EFCAB6: variants seen among roughly 807,000 people sequenced by gnomAD.
The protein encoded by EFCAB6 is EF-hand calcium-binding domain-containing protein 6.
EFCAB6 carries 156 observed loss-of-function variants against 169.8 expected under a neutral mutation model. The observed-to-expected ratio is 0.92, with a 90% CI of 0.81 to 1.05. The LOEUF (loss-of-function observed/expected upper bound fraction) is 1.05, where lower values mean the gene tolerates loss of function less well. Ranked by LOEUF, EFCAB6 falls within the 50% of genes least tolerant of loss-of-function variation. The pLI is 0.00. For missense variants in EFCAB6, 1,800 were observed against 1,829.1 expected (o/e 0.98, Z 0.29); for synonymous variants, 698 against 676.4 (o/e 1.03, Z -0.50).
At chr22:43,529,027 A>T in intron 31 of EFCAB6, 52 bp from the exon 32 acceptor site, 1 of 1,515,800 alleles carries the variant, frequency 6.6e-7, no homozygotes, top group African/African-American at 1.4e-5. Flanking sequence ...CCCTAGGTTA[A>T]GGAGGCAGGC....
intron 26 of EFCAB6, among the ~76,000 whole-genome samples, chr22:43,563,433 C>A (rs1319659919): frequency 1.3e-5 from 2 of 152,156 alleles, no homozygotes; most frequent in African/African-American, 2.4e-5. Flanking sequence ...CTGGGCAAGG[C>A]ATGCACCTGT....
rs1254333446 is a variant in EFCAB6, at chr22:43,765,411, G to A, written c.352-18C>T. On this transcript the variant is annotated intron_variant, in intron 4 of 31. Transcript: ENST00000262726. Reference sequence around the variant, plus strand: ...AGGGGGATCTACAGTCAAGGGAGAAGAATGACAACATGTTAGAGAATTAAG... The same window carrying A: ...AGGGGGATCTACAGTCAAGGGAGAAAAATGACAACATGTTAGAGAATTAAG... The A allele has an allele frequency of 6.3e-7, 1 of 1,584,812 alleles. No individual in the cohort carries two copies. Among genetic ancestry groups the A allele is most frequent in the Admixed American group, 1.7e-5 (1 of 59,692 alleles).
chr22:43,566,417 G>C (rs1168501776), intron 26 of EFCAB6, among the ~76,000 whole-genome samples: 3 of 152,212 alleles, frequency 2.0e-5, no homozygotes, highest in East Asian at 1.9e-4. Flanking sequence ...AATTCAACCA[G>C]TGCTTACTGA....
rs755287749 is a variant in EFCAB6 at position 43,809,123 on chromosome 22, C to T, written c.-136G>A. On this transcript the variant is annotated 5_prime_UTR_variant, in exon 2 of 32. Transcript: ENST00000262726. Reference sequence around the variant, plus strand: ...TAATCTAGGCCCTTCCAATCCTCTGCGATGAGCCCTGTGAGAAATTTATTT... The same window carrying T: ...TAATCTAGGCCCTTCCAATCCTCTGTGATGAGCCCTGTGAGAAATTTATTT... 5.9e-5 allele frequency: 9 copies of T among 152,178 alleles called. No individual in the cohort carries two copies. The highest frequency in any genetic ancestry group is 1.0e-4 in the Non-Finnish European group (7 of 68,044). The allele number at this position is 152,178 out of a possible 1,614,324, so 9.4% of individuals were successfully genotyped here.
At chr22:43,542,845 T>C (rs780099918) in intron 27 of EFCAB6, among the ~76,000 whole-genome samples, 2 of 152,080 alleles carry the variant, frequency 1.3e-5, no homozygotes. Context: ...TGCCAGCCAG[T>C]GAGCTTGACA....
intron 10 of EFCAB6, among the ~76,000 whole-genome samples, chr22:43,697,479 C>G (rs1230108067): frequency 6.6e-6 from 1 of 152,176 alleles, no homozygotes; most frequent in African/African-American, 2.4e-5. Flanking sequence ...GTAGCTATCT[C>G]TGGCTATTAC....
At chr22:43,741,358 G>A (rs1443519394) in intron 6 of EFCAB6, among the ~76,000 whole-genome samples, 1 of 152,090 alleles carries the variant, frequency 6.6e-6, no homozygotes, top group African/African-American at 2.4e-5. Flanking sequence ...CCTCAGTTAT[G>A]GGGCCTCTTC....
At chr22:43,797,519 C>T (rs1251038494) in intron 2 of EFCAB6, among the ~76,000 whole-genome samples, 2 of 152,198 alleles carry the variant, frequency 1.3e-5, no homozygotes, top group African/African-American at 2.4e-5. Context: ...GTGAATTTCA[C>T]ACTAAATTGT....
intron 8 of EFCAB6, among the ~76,000 whole-genome samples, chr22:43,725,082 A>G (rs568339791): frequency 2.0e-5 from 3 of 151,316 alleles, no homozygotes; most frequent in East Asian, 1.9e-4. Flanking sequence ...CTGTTGTAAC[A>G]TGGAAGAAAG....
At chr22:43,575,174 T>G (rs1251453597) in intron 26 of EFCAB6, among the ~76,000 whole-genome samples, 1 of 150,882 alleles carries the variant, frequency 6.6e-6, no homozygotes, top group African/African-American at 2.4e-5. Context: ...ATAGACTGTT[T>G]TTGTTGTTGT....
At chr22:43,805,127 G>A (rs1204186181) in intron 2 of EFCAB6, among the ~76,000 whole-genome samples, 1 of 152,170 alleles carries the variant, frequency 6.6e-6, no homozygotes, top group East Asian at 1.9e-4. Flanking sequence ...AATAGCTATA[G>A]AGAATATAAA....
At chr22:43,652,391 G>A (rs2056516450) in intron 17 of EFCAB6, among the ~76,000 whole-genome samples, 1 of 152,072 alleles carries the variant, frequency 6.6e-6, no homozygotes. Flanking sequence ...CCAGCCATGT[G>A]GAACTGTAAG....
rs1449339293 is a variant in EFCAB6, at chr22:43,572,656, G to A, written c.3420+3641C>T. On this transcript the variant is annotated intron_variant, in intron 26 of 31. Coordinates refer to ENST00000262726, the MANE Select transcript of EFCAB6 (RefSeq NM_022785.4). The surrounding 1 kb of genome is among the most constrained non-coding windows in gnomAD (Gnocchi z 4.0). Reference sequence around the variant, plus strand: ...GGCCAGTCCCTTGCCCGATGTCACTGCTCACTCCCTCCCCTCCTCGTCGCT... The same window carrying A: ...GGCCAGTCCCTTGCCCGATGTCACTACTCACTCCCTCCCCTCCTCGTCGCT... Among the ~76,000 whole-genome samples the A allele has an allele frequency of 6.6e-6, 1 of 152,116 alleles. No homozygotes were observed.
intron 26 of EFCAB6, among the ~76,000 whole-genome samples, chr22:43,571,670 T>G (rs1431197582): frequency 6.6e-6 from 1 of 152,158 alleles, no homozygotes; most frequent in Non-Finnish European, 1.5e-5. Context: ...CAAAGGGACC[T>G]AAACTCTGCA....
intron 6 of EFCAB6, among the ~76,000 whole-genome samples, chr22:43,746,937 C>T (rs1178463191): frequency 2.6e-5 from 4 of 152,204 alleles, no homozygotes; most frequent in African/African-American, 9.6e-5. Flanking sequence ...TGCACACCAG[C>T]AGGGGCAAGC....
At chr22:43,592,589 A>G (rs751577351) in intron 23 of EFCAB6, among the ~76,000 whole-genome samples, 4 of 152,208 alleles carry the variant, frequency 2.6e-5, no homozygotes, top group Non-Finnish European at 5.9e-5. Context: ...CACAGATCAC[A>G]GCAGAGTGCC....
chr22:43,733,298 C>A (rs1016787861), intron 7 of EFCAB6, among the ~76,000 whole-genome samples: 9 of 152,222 alleles, frequency 5.9e-5, no homozygotes, highest in Non-Finnish European at 1.3e-4. Flanking sequence ...CCACCTGGAA[C>A]TGGGTTTCAT....
chr22:43,600,629 C>T (rs2052432526), intron 22 of EFCAB6, among the ~76,000 whole-genome samples: 1 of 150,862 alleles, frequency 6.6e-6, no homozygotes, highest in Admixed American at 6.6e-5. Context: ...AAAGTCAACC[C>T]CTCCATACGT....
chr22:43,786,183 C>T (rs1259156089), intron 2 of EFCAB6, among the ~76,000 whole-genome samples: 1 of 151,470 alleles, frequency 6.6e-6, no homozygotes, highest in Non-Finnish European at 1.5e-5. Context: ...GCCAACGTGG[C>T]GAAACCCCGT....
Sources: allele counts gnomAD v4.1 joint callset (sites outside exome capture counted in the v4.1 genomes callset), GRCh38; gene constraint gnomAD v4.1.1; non-coding constraint Gnocchi (gnomAD v3.1); transcripts MANE v1.5; gene names NCBI Gene and HGNC (gene_info 2026-07-23, HGNC 2026-07-21).